The following ZNF254 variants were observed in gnomAD, a reference collection of about 807,000 sequenced individuals.
The protein encoded by ZNF254 is zinc finger protein 254.
In ZNF254, 10 loss-of-function variants were observed where a neutral mutation model predicts 12.4. That is an observed-to-expected ratio of 0.80 (90% CI 0.50 to 1.36). The LOEUF (loss-of-function observed/expected upper bound fraction) is 1.36, where lower values mean the gene tolerates loss of function less well. Ranked by LOEUF, ZNF254 falls within the 40% of genes most tolerant of loss-of-function variation. The probability of loss-of-function intolerance (pLI) is 0.00; values close to 1 mark genes in which losing one functional copy is unlikely to be tolerated. For synonymous variants in ZNF254, 305 were observed against 253.4 expected, an observed-to-expected ratio of 1.20 and a Z score of -1.93; for missense variants, 996 against 763.9, an observed-to-expected ratio of 1.30 and a Z score of -3.58.
intron 2 of ZNF254, among the ~76,000 whole-genome samples, chr19:24,047,210 CTCTT>C (rs779711248): frequency 9.7e-4 from 148 of 151,996 alleles, no homozygotes; most frequent in African/African-American, 3.3e-3. Context: ...TTTTGTCTCT[CTCTT>C]TCTATGTGTC....
At chr19:24,124,306 C>G in intron 3 of ZNF254, among the ~76,000 whole-genome samples, 1 of 152,052 alleles carries the variant, frequency 6.6e-6, no homozygotes, top group Middle Eastern at 3.4e-3. Context: ...ATTGTATATT[C>G]ATTAATGAAT....
intron 3 of ZNF254, among the ~76,000 whole-genome samples, chr19:24,122,535 C>A (rs558949209): frequency 6.6e-6 from 1 of 152,178 alleles, no homozygotes; most frequent in African/African-American, 2.4e-5. Flanking sequence ...CCAATTTTTT[C>A]TGTTTTATGG....
In ZNF254 at chr19:24,126,935, A is replaced by G. The variant is rs1974897767; in HGVS notation, c.935A>G (p.His312Arg). 1.2e-6 allele frequency: 2 copies of G among 1,613,624 alleles called. No homozygotes were observed. Among genetic ancestry groups the G allele is most frequent in the South Asian group, 1.1e-5 (1 of 91,076 alleles). The change falls in exon 4 of 4, where the codon CAT becomes CGT. Residue 312 changes from histidine to arginine, a missense_variant. Coordinates refer to ENST00000357002, the MANE Select transcript of ZNF254 (RefSeq NM_203282.4). The part of the protein sequence containing the change: ...AFIWSSTLTE[H>R]KKIHTRKKPY... ...ATCTGGTCCTCAACCCTTACTGAGC[A>G]TAAGAAAATTCATACTAGAAAGAAA... is the stretch of plus-strand genomic sequence containing the variant.
At chr19:24,071,989 G>T (rs1024197446) in intron 2 of ZNF254, among the ~76,000 whole-genome samples, 4 of 152,104 alleles carry the variant, frequency 2.6e-5, no homozygotes, top group African/African-American at 9.7e-5. Flanking sequence ...GGGTCCAACA[G>T]GTAGATGGTG....
In ZNF254 at chr19:24,127,718, C is replaced by G. The variant is rs1299726292; in HGVS notation, c.1718C>G (p.Pro573Arg). ...AAGAGAATTCATACTGGAGAGAAAC[C>G]CTATAAATGTGAAGAATGTGGCAAA... is the stretch of plus-strand genomic sequence containing the variant. ...NHKRIHTGEK[P>R]YKCEECGKSF... Residue 573 changes from proline to arginine, a missense_variant, in exon 4 of 4, where the codon CCC becomes CGC. Transcript: ENST00000357002. The G allele has an allele frequency of 6.2e-7, 1 of 1,612,998 alleles. No individual in the cohort carries two copies. The highest frequency in any genetic ancestry group is 1.1e-5 in the South Asian group (1 of 91,034).
intron 1 of ZNF254, among the ~76,000 whole-genome samples, chr19:24,042,780 C>T (rs1970227429): frequency 6.6e-6 from 1 of 152,164 alleles, no homozygotes; most frequent in Admixed American, 6.5e-5. Flanking sequence ...CCACTAATAT[C>T]ACGGCAGTAA....
intron 2 of ZNF254, among the ~76,000 whole-genome samples, chr19:24,059,187 T>A (rs1280184521): frequency 2.0e-5 from 3 of 152,226 alleles, no homozygotes; most frequent in Non-Finnish European, 4.4e-5. Flanking sequence ...ACAGAGGGCA[T>A]TATGACATAT....
chr19:24,091,902 T>C (rs1348301333), intron 1 of ZNF254: 4 of 886,946 alleles, frequency 4.5e-6, no homozygotes, highest in South Asian at 5.2e-5. Flanking sequence ...TTTTTTGAGA[T>C]GGAGTCTCGC....
rs183087804 is a variant in ZNF254, at chr19:24,042,892, C to T, written c.-189-3292C>T. On this transcript the variant is annotated intron_variant, in intron 1 of 4. Coordinates refer to the ZNF254 transcript ENST00000613065. ...TAAGGTGTTTTCTGCCAAGTTTCTT[C>T]ACTATAAAGTTATTTTTCTCTTTAT... 2.6e-4 allele frequency among the ~76,000 whole-genome samples: 40 copies of T among 152,320 alleles called. No individual in the cohort carries two copies. The East Asian group carries it at 7.7e-3, about 29-fold the overall frequency.
chr19:24,100,657 CAAAG>C (rs998156220), intron 1 of ZNF254, among the ~76,000 whole-genome samples: 60 of 146,346 alleles, frequency 4.1e-4, no homozygotes, highest in African/African-American at 1.4e-3. Context: ...GAATTTCTGA[CAAAG>C]AAGTTTGTAT....
At chr19:24,085,181 C>A (rs1162940430), upstream of ZNF254, among the ~76,000 whole-genome samples, 1 of 151,398 alleles carries the variant, frequency 6.6e-6, no homozygotes, top group Non-Finnish European at 1.5e-5. Context: ...ATCCACCCAC[C>A]TCGGCCTCCC....
intron 2 of ZNF254, among the ~76,000 whole-genome samples, chr19:24,058,413 CTTT>C (rs574813499): frequency 2.4e-5 from 3 of 123,872 alleles, no homozygotes; most frequent in African/African-American, 3.0e-5. Flanking sequence ...TTCTTTCTTT[CTTT>C]TTTTTTTTTT....
At chr19:24,045,521 T>C (rs1970346111) in intron 1 of ZNF254, among the ~76,000 whole-genome samples, 1 of 151,732 alleles carries the variant, frequency 6.6e-6, no homozygotes, top group Non-Finnish European at 1.5e-5. Context: ...TACAAAAAAT[T>C]AGCTGGGCGT....
Position 24,127,186 on chromosome 19 carries a change from CATAAA to C in ZNF254, c.1191_1195del (p.Lys397AsnfsTer11). 2 of 1,613,398 alleles carry C rather than the reference CATAAA, an allele frequency of 1.2e-6. No individual in the cohort carries two copies. Among genetic ancestry groups the C allele is most frequent in the Non-Finnish European group, 1.7e-6 (2 of 1,179,724 alleles). The stretch of plus-strand genomic sequence containing the variant: ...TAAGCAACTCTCAACTCTTACTACA[CATAAA>C]ATAATTCATGTTGGAGAGAAACTCT... On this transcript the variant is annotated frameshift_variant, in exon 4 of 4. Transcript: ENST00000357002. LOFTEE classifies it low-confidence loss of function (END_TRUNC).
At chr19:24,108,135 A>G (rs1973451295) in intron 3 of ZNF254, among the ~76,000 whole-genome samples, 1 of 152,132 alleles carries the variant, frequency 6.6e-6, no homozygotes, top group Non-Finnish European at 1.5e-5. Context: ...ACATAGGCAA[A>G]ACCGGCCATG....
rs745877598 is a variant in ZNF254, at chr19:24,087,257, C to G, written c.-51C>G. 7 of 1,611,766 alleles carry G rather than the reference C, an allele frequency of 4.3e-6. No individual in the cohort carries two copies. Among genetic ancestry groups the G allele is most frequent in the Non-Finnish European group, 5.9e-6 (7 of 1,178,508 alleles). On this transcript the variant is annotated 5_prime_UTR_variant, in exon 1 of 4. Transcript: ENST00000357002. ...GCTCTGTGTCCTCTGCTCCTAGAGG[C>G]CCAGCCTCTGTGGCGCTGTTACCAG...
chr19:24,087,762 G>T (rs969072238), intron 1 of ZNF254, among the ~76,000 whole-genome samples: 7 of 152,082 alleles, frequency 4.6e-5, no homozygotes, highest in Non-Finnish European at 8.8e-5. Context: ...TTTAATAAAA[G>T]AATGATTCAA....
At chr19:24,126,148 C>A in intron 3 of ZNF254, 106 bp from the exon 4 acceptor site, 1 of 731,992 alleles carries the variant, frequency 1.4e-6, no homozygotes, top group Non-Finnish European at 2.0e-6. Flanking sequence ...TTTTGCAATG[C>A]TATCTTGTCT....
intron 2 of ZNF254, among the ~76,000 whole-genome samples, chr19:24,073,159 C>T (rs1971540467): frequency 1.3e-5 from 2 of 152,210 alleles, no homozygotes; most frequent in Admixed American, 6.5e-5. Flanking sequence ...CTGTGTTTCT[C>T]ATATGCACAA....
Sources: allele counts gnomAD v4.1 joint callset (sites outside exome capture counted in the v4.1 genomes callset), GRCh38; gene constraint gnomAD v4.1.1; transcripts MANE v1.5; gene names NCBI Gene and HGNC (gene_info 2026-07-23, HGNC 2026-07-21).